The following NRG1 variants were observed in gnomAD, a reference collection of about 807,000 sequenced individuals.
NRG1 encodes the protein neuregulin 1.
In NRG1, 18 loss-of-function variants were observed where a neutral mutation model predicts 63.8. That is an observed-to-expected ratio of 0.28 (90% CI 0.19 to 0.42). The LOEUF (loss-of-function observed/expected upper bound fraction) is 0.42, where lower values mean the gene tolerates loss of function less well. Among genes scored for constraint, NRG1 ranks in the 10% least tolerant of loss-of-function variants. NRG1 has a pLI of 1.00. For synonymous variants in NRG1, 302 were observed against 301.3 expected (o/e 1.00, Z -0.02); for missense variants, 762 against 814.7 (o/e 0.94, Z 0.79).
chr8:32,237,744 C>T (rs967173981), intron 1 of NRG1, among the ~76,000 whole-genome samples: 2 of 151,800 alleles, frequency 1.3e-5, no homozygotes, highest in African/African-American at 4.8e-5. Context: ...TTCTTACTGC[C>T]TCTTTTTGGT....
intron 1 of NRG1, among the ~76,000 whole-genome samples, chr8:31,787,386 G>A (rs751846022): frequency 6.6e-6 from 1 of 152,096 alleles, no homozygotes; most frequent in Non-Finnish European, 1.5e-5. Flanking sequence ...TCTTCTCTTT[G>A]ACCTGGTGAA....
chr8:32,251,916 G>A (rs975338596), intron 1 of NRG1, among the ~76,000 whole-genome samples: 10 of 151,712 alleles, frequency 6.6e-5, no homozygotes, highest in African/African-American at 2.2e-4. Context: ...TTTCTCTAAT[G>A]ACCAGTGATG....
chr8:32,653,967 T>C (rs539949126), intron 5 of NRG1, among the ~76,000 whole-genome samples: 1 of 152,272 alleles, frequency 6.6e-6, no homozygotes, highest in African/African-American at 2.4e-5. Context: ...CGTGTGTGTG[T>C]GTGTGTGTGT....
chr8:31,699,040 T>C (rs953616042), intron 1 of NRG1, among the ~76,000 whole-genome samples: 1 of 152,242 alleles, frequency 6.6e-6, no homozygotes, highest in Non-Finnish European at 1.5e-5. Flanking sequence ...TTGTAATTAC[T>C]GTGATATAAC....
chr8:32,301,004 A>G (rs951768909), intron 1 of NRG1, among the ~76,000 whole-genome samples: 1 of 152,204 alleles, frequency 6.6e-6, no homozygotes, highest in Non-Finnish European at 1.5e-5. Context: ...ATTTGAAGAA[A>G]ATGTTACAAA....
chr8:32,661,600 A>T (rs894342060), intron 5 of NRG1, among the ~76,000 whole-genome samples: 3 of 151,898 alleles, frequency 2.0e-5, no homozygotes, highest in Non-Finnish European at 2.9e-5. Context: ...GGTCTAAAAA[A>T]CAGGAATGCC....
intron 1 of NRG1, among the ~76,000 whole-genome samples, chr8:32,202,150 A>G (rs879136183): frequency 2.6e-5 from 4 of 152,168 alleles, no homozygotes; most frequent in Admixed American, 2.6e-4. Flanking sequence ...TATAATATGG[A>G]ACACTACTGT....
intron 5 of NRG1, among the ~76,000 whole-genome samples, chr8:32,621,990 A>C (rs1382618930): frequency 2.6e-5 from 4 of 152,226 alleles, no homozygotes; most frequent in African/African-American, 9.6e-5. Flanking sequence ...GGATTCAAGT[A>C]AATGACTTGT....
intron 1 of NRG1, among the ~76,000 whole-genome samples, chr8:32,355,543 G>T (rs1806263009): frequency 6.6e-6 from 1 of 151,894 alleles, no homozygotes; most frequent in Non-Finnish European, 1.5e-5. Flanking sequence ...TATATAAAAA[G>T]GTCCTATGAA....
intron 1 of NRG1, among the ~76,000 whole-genome samples, chr8:32,130,341 A>G (rs574700232): frequency 2.0e-5 from 3 of 152,050 alleles, no homozygotes; most frequent in African/African-American, 7.2e-5. Context: ...AGAATTTCAC[A>G]AAATTCTCAG....
intron 1 of NRG1, among the ~76,000 whole-genome samples, chr8:32,230,961 G>T (rs899831771): frequency 6.6e-6 from 1 of 151,926 alleles, no homozygotes; most frequent in Admixed American, 6.6e-5. Flanking sequence ...TCAAATACTA[G>T]ATCTTATTCT....
rs569449188 is a variant in NRG1 at position 32,538,207 on chromosome 8, G to A, written c.38-57621G>A. ...ATTTAGGCAGAGATTGGGGGATGGCGGAGGGAGCTACTGAGTGACAGGCAC... is the reference window on the plus strand; with the variant it reads ...ATTTAGGCAGAGATTGGGGGATGGCAGAGGGAGCTACTGAGTGACAGGCAC... On this transcript the variant is annotated intron_variant, in intron 1 of 10. Coordinates refer to the NRG1 transcript ENST00000519301. Among the ~76,000 whole-genome samples, 370 of 152,182 alleles carry A rather than the reference G, an allele frequency of 2.4e-3. 2 individuals carry two copies. The highest frequency in any genetic ancestry group is 5.0e-3 in the South Asian group (24 of 4,814).
chr8:31,934,415 G>GCTCT (rs371787506), intron 1 of NRG1, among the ~76,000 whole-genome samples: 8 of 107,618 alleles, frequency 7.4e-5, no homozygotes, highest in Admixed American at 3.1e-4. Flanking sequence ...CCCTTTATTC[G>GCTCT]CTCTCTTTTT....
At chr8:32,639,056 C>T (rs951917771) in intron 5 of NRG1, among the ~76,000 whole-genome samples, 1 of 151,986 alleles carries the variant, frequency 6.6e-6, no homozygotes, top group Non-Finnish European at 1.5e-5. Context: ...TGTGTGTACT[C>T]TAAGGAAAAC....
At chr8:31,974,353 A>G (rs1207311881) in intron 1 of NRG1, among the ~76,000 whole-genome samples, 1 of 151,922 alleles carries the variant, frequency 6.6e-6, no homozygotes. Flanking sequence ...AATTTTCTGT[A>G]GAGATAGTAT....
intron 1 of NRG1, among the ~76,000 whole-genome samples, chr8:32,405,110 A>AG (rs2129484919): frequency 6.6e-6 from 1 of 152,298 alleles, no homozygotes; most frequent in Admixed American, 6.5e-5. Flanking sequence ...CCAGTTTGCC[A>AG]TATCCAGGCT....
intron 1 of NRG1, among the ~76,000 whole-genome samples, chr8:31,811,219 A>G (rs551601841): frequency 6.6e-6 from 1 of 152,210 alleles, no homozygotes; most frequent in South Asian, 2.1e-4. Context: ...GGCTGTGTGT[A>G]TTGCTTGACT....
chr8:31,930,474 G>A (rs1318376573), intron 1 of NRG1, among the ~76,000 whole-genome samples: 2 of 151,988 alleles, frequency 1.3e-5, no homozygotes, highest in East Asian at 3.9e-4. Context: ...TATGTTCATT[G>A]TTTTCTCCTT....
intron 1 of NRG1, among the ~76,000 whole-genome samples, chr8:31,714,246 A>C (rs1812127616): frequency 6.6e-6 from 1 of 152,076 alleles, no homozygotes; most frequent in South Asian, 2.1e-4. Flanking sequence ...ATACCCAGCA[A>C]GTGGAAGGTT....
Sources: allele counts gnomAD v4.1 joint callset (sites outside exome capture counted in the v4.1 genomes callset), GRCh38; gene constraint gnomAD v4.1.1; transcripts MANE v1.5; gene names NCBI Gene and HGNC (gene_info 2026-07-23, HGNC 2026-07-21).